Variants in CACNA1D observed in about 807,000 individuals in gnomAD.
CACNA1D encodes calcium voltage-gated channel subunit alpha1 D, also known as voltage-dependent L-type calcium channel subunit alpha-1D.
In CACNA1D, 55 loss-of-function variants were observed where a neutral mutation model predicts 257.1. The ratio of observed to expected loss-of-function variants is 0.21; its 90% CI spans 0.17 to 0.27. The LOEUF (loss-of-function observed/expected upper bound fraction) is 0.27, where lower values mean the gene tolerates loss of function less well. Among genes scored for constraint, CACNA1D ranks in the 10% least tolerant of loss-of-function variants. The pLI is 1.00. For missense variants in CACNA1D, 1,876 were observed against 2,784.0 expected (o/e 0.67, Z 7.34); for synonymous variants, 980 against 1,014.9 (o/e 0.97, Z 0.65).
At chr3:53,712,933 G>A (rs561719349) in intron 9 of CACNA1D, among the ~76,000 whole-genome samples, 2 of 152,158 alleles carry the variant, frequency 1.3e-5, no homozygotes, top group Non-Finnish European at 2.9e-5. Flanking sequence ...CCTTCCCTTC[G>A]GGGTGCCTTG....
intron 37 of CACNA1D, among the ~76,000 whole-genome samples, chr3:53,778,239 T>C (rs1448001528): frequency 6.6e-6 from 1 of 152,182 alleles, no homozygotes; most frequent in Non-Finnish European, 1.5e-5. Context: ...GCCTCTTTTC[T>C]GCTTTCCAAG....
chr3:53,742,371 G>T (rs1244827126), intron 21 of CACNA1D, among the ~76,000 whole-genome samples: 1 of 152,140 alleles, frequency 6.6e-6, no homozygotes, highest in African/African-American at 2.4e-5. Flanking sequence ...ACCCATAATA[G>T]GTGCTCCAGG....
At chr3:53,591,364 T>TA (rs2093302454) in intron 3 of CACNA1D, among the ~76,000 whole-genome samples, 1 of 152,208 alleles carries the variant, frequency 6.6e-6, no homozygotes, top group Non-Finnish European at 1.5e-5. Context: ...GTGATTCTCC[T>TA]GCTTCAGCCT....
chr3:53,718,570 T>TGCC, intron 10 of CACNA1D, 182 bp downstream of exon 10: 2 of 717,962 alleles, frequency 2.8e-6, no homozygotes, highest in Non-Finnish European at 4.9e-6. Context: ...CCTGCACACC[T>TGCC]CCCCACCCCC....
intron 9 of CACNA1D, among the ~76,000 whole-genome samples, chr3:53,713,543 T>TGTGTGTGTGAGA (rs377132134): frequency 8.9e-4 from 108 of 121,004 alleles, no homozygotes; most frequent in African/African-American, 2.9e-3. Context: ...TGTGTGTGTG[T>TGTGTGTGTGAGA]GAGAGATTTG....
chr3:53,673,114 G>T lies in CACNA1D; in HGVS notation c.1208G>T (p.Gly403Val). 6.5e-7 allele frequency: 1 copy of T among 1,550,082 alleles called. No individual in the cohort carries two copies. Among genetic ancestry groups the T allele is most frequent in the South Asian group, 1.2e-5 (1 of 83,996 alleles). ...TTTTTCGTACTAAATCTTGTACTTG[G>T]TGTATTGAGCGGGTAAGCTACACCT... is the stretch of plus-strand genomic sequence containing the variant. Reference protein sequence around the residue: ...GSFFVLNLVLGVLSGEFSKER... With the variant: ...GSFFVLNLVLVVLSGEFSKER... Residue 403 changes from glycine to valine, a missense_variant, in exon 8 of 48, where the codon GGT becomes GTT. This residue lies in a region of CACNA1D where 188 missense variants were observed against 390.4 expected (regional missense o/e 0.48). Coordinates refer to ENST00000350061, the MANE Select transcript of CACNA1D (RefSeq NM_001128840.3). The surrounding 1 kb of genome is among the most constrained non-coding windows in gnomAD (Gnocchi z 4.1).
rs776018953 is a variant in CACNA1D at position 53,810,200 on chromosome 3, T to C, written c.6094T>C (p.Ser2032Pro). Residue 2032 changes from serine to proline, a missense_variant, in exon 47 of 48, where the codon TCC becomes CCC. Around this residue, in one of 10 missense-constraint regions of CACNA1D, gnomAD observed 491 missense variants for 554.3 expected, o/e 0.89. Coordinates refer to ENST00000350061, the MANE Select transcript of CACNA1D (RefSeq NM_001128840.3). ...SSWYTDEPDI[S>P]YRTFTPASLT... The stretch of plus-strand genomic sequence containing the variant: ...CTGGTACACAGACGAGCCCGACATC[T>C]CCTACCGGACTTTCACACCAGCCAG... 9 of 1,613,852 alleles carry C rather than the reference T, an allele frequency of 5.6e-6. No homozygotes were observed. Among genetic ancestry groups the C allele is most frequent in the Non-Finnish European group, 7.6e-6 (9 of 1,180,010 alleles).
Position 53,733,981 on chromosome 3 carries a change from TATATAC to T in CACNA1D, c.2621+1037_2621+1042del, listed in dbSNP as rs202203807. Among the ~76,000 whole-genome samples the T allele has an allele frequency of 5.5e-3, 776 of 140,204 alleles. 11 individuals are homozygous for T. The highest frequency in any genetic ancestry group is 0.037 in the East Asian group (178 of 4,768). The allele number at this position is 140,204 out of a possible 152,430, so 92.0% of individuals were successfully genotyped here. A position where few individuals can be genotyped will look rare whatever the true frequency, so the allele number is the denominator to read the frequency against. On this transcript the variant is annotated intron_variant, in intron 19 of 47. Coordinates refer to ENST00000350061, the MANE Select transcript of CACNA1D (RefSeq NM_001128840.3). ...GTATGTATGTATGTATATGTATATATATATACATATACATATACATATATATATGTG... is the reference window on the plus strand; with the variant it reads ...GTATGTATGTATGTATATGTATATATATATACATATACATATATATATGTG...
At position 53,741,496 on chromosome 3, in the gene CACNA1D, T is replaced by C. The variant is rs922090971; in HGVS notation, c.2811+1157T>C. Among the ~76,000 whole-genome samples, 134 of 152,336 alleles carry C rather than the reference T, an allele frequency of 8.8e-4. 1 individual carries two copies. The highest frequency in any genetic ancestry group is 3.2e-3 in the African/African-American group (133 of 41,574). ...TTTTATTTTTTTATTTTTTGGTTCA[T>C]GAAACAGCATAAAGCCAACCAACAA... is the stretch of plus-strand genomic sequence containing the variant. On this transcript the variant is annotated intron_variant, in intron 21 of 47. Coordinates refer to ENST00000350061, the MANE Select transcript of CACNA1D (RefSeq NM_001128840.3).
chr3:53,508,864 A>G (rs1363695493), intron 3 of CACNA1D, among the ~76,000 whole-genome samples: 1 of 152,168 alleles, frequency 6.6e-6, no homozygotes, highest in South Asian at 2.1e-4. Context: ...AAGAGGTTCT[A>G]GAATTCTGGA....
At chr3:53,564,903 C>T (rs1048910451) in intron 3 of CACNA1D, among the ~76,000 whole-genome samples, 4 of 152,148 alleles carry the variant, frequency 2.6e-5, no homozygotes, top group South Asian at 2.1e-4. Flanking sequence ...TGCAGATATT[C>T]TTATATGTCC....
At chr3:53,518,994 CT>C (rs2091451649) in intron 3 of CACNA1D, among the ~76,000 whole-genome samples, 1 of 152,196 alleles carries the variant, frequency 6.6e-6, no homozygotes, top group Non-Finnish European at 1.5e-5. Context: ...CCAAGAATTC[CT>C]TCACCTTTTC....
intron 3 of CACNA1D, among the ~76,000 whole-genome samples, chr3:53,635,306 C>T (rs2093869773): frequency 6.6e-6 from 1 of 152,200 alleles, no homozygotes; most frequent in Admixed American, 6.5e-5. Flanking sequence ...CCCAGGACTT[C>T]ACATTCCTCA....
intron 19 of CACNA1D, among the ~76,000 whole-genome samples, chr3:53,734,173 T>A (rs897834458): frequency 2.0e-5 from 3 of 151,028 alleles, no homozygotes; most frequent in African/African-American, 7.3e-5. Flanking sequence ...ACGCCCAGCA[T>A]TAAATAGGCC....
At chr3:53,617,177 A>G (rs1479403651) in intron 3 of CACNA1D, among the ~76,000 whole-genome samples, 3 of 152,142 alleles carry the variant, frequency 2.0e-5, no homozygotes, top group African/African-American at 7.2e-5. Flanking sequence ...CTCACTGTTG[A>G]TAGCAGAAGC....
chr3:53,776,567 C>T, intron 35 of CACNA1D, 36 bp from the exon 36 acceptor site: 1 of 1,613,758 alleles, frequency 6.2e-7, no homozygotes, highest in East Asian at 2.2e-5. Flanking sequence ...AATCCAGCTG[C>T]AGCTGAAGTT....
At chr3:53,659,203 G>A (rs935217626) in intron 4 of CACNA1D, among the ~76,000 whole-genome samples, 1 of 152,196 alleles carries the variant, frequency 6.6e-6, no homozygotes, top group Admixed American at 6.5e-5. Flanking sequence ...TAAATGAGCA[G>A]ATTGCCTGAA....
chr3:53,592,373 T>C (rs1037648432), intron 3 of CACNA1D, among the ~76,000 whole-genome samples: 2 of 151,954 alleles, frequency 1.3e-5, no homozygotes, highest in South Asian at 2.1e-4. Flanking sequence ...ATGTTTTTAA[T>C]TGGAATGGAG....
chr3:53,591,488 A>G (rs774022681), intron 3 of CACNA1D, among the ~76,000 whole-genome samples: 2 of 152,262 alleles, frequency 1.3e-5, no homozygotes, highest in African/African-American at 2.4e-5. Context: ...TCCTGAGCTC[A>G]GGCAATTCGC....
Sources: allele counts gnomAD v4.1 joint callset (sites outside exome capture counted in the v4.1 genomes callset), GRCh38; gene constraint gnomAD v4.1.1; regional missense constraint gnomAD v4.1.1; non-coding constraint Gnocchi (gnomAD v3.1); transcripts MANE v1.5; gene names NCBI Gene and HGNC (gene_info 2026-07-23, HGNC 2026-07-21).